STX3: variants seen among roughly 807,000 people sequenced by gnomAD.
The protein encoded by STX3 is syntaxin-3.
A neutral mutation model predicts 40.2 loss-of-function variants in STX3; 19 were observed. The observed-to-expected ratio is 0.47, with a 90% CI of 0.33 to 0.69. The LOEUF (loss-of-function observed/expected upper bound fraction) is 0.69. Ranked by LOEUF, STX3 falls within the 30% of genes least tolerant of loss-of-function variation. STX3 has a pLI of 0.02. For synonymous variants in STX3, 122 were observed against 132.2 expected, an observed-to-expected ratio of 0.92 and a Z score of 0.53; for missense variants, 364 against 366.7, an observed-to-expected ratio of 0.99 and a Z score of 0.06.
chr11:59,778,835 T>C (rs1864166197), intron 2 of STX3, among the ~76,000 whole-genome samples: 1 of 149,748 alleles, frequency 6.7e-6, no homozygotes, highest in Admixed American at 6.6e-5. Flanking sequence ...CTTTTCCTTT[T>C]TTTTTTTTTT....
intron 2 of STX3, among the ~76,000 whole-genome samples, chr11:59,780,578 T>A (rs1246628483): frequency 6.6e-6 from 1 of 152,200 alleles, no homozygotes; most frequent in Non-Finnish European, 1.5e-5. Flanking sequence ...CAGACATGCC[T>A]TCTTCATGGC....
At chr11:59,773,980 A>G (rs868002318) in intron 2 of STX3, among the ~76,000 whole-genome samples, 2 of 107,940 alleles carry the variant, frequency 1.9e-5, no homozygotes, top group Non-Finnish European at 3.5e-5. Flanking sequence ...ACACACACAA[A>G]AAAAAAAAAA....
intron 1 of STX3, among the ~76,000 whole-genome samples, chr11:59,759,462 A>G (rs1862917471): frequency 6.6e-6 from 1 of 152,252 alleles, no homozygotes. Context: ...CTAGTATCAA[A>G]GGGTAAATGA....
At chr11:59,778,362 G>T (rs1864119396) in intron 2 of STX3, among the ~76,000 whole-genome samples, 1 of 152,138 alleles carries the variant, frequency 6.6e-6, no homozygotes, top group Non-Finnish European at 1.5e-5. Flanking sequence ...GACTTCCCTT[G>T]TGGCCTCCTG....
chr11:59,795,617 C>G (rs529214323), intron 9 of STX3, 135 bp downstream of exon 9: 1 of 1,540,370 alleles, frequency 6.5e-7, no homozygotes, highest in East Asian at 2.4e-5. Flanking sequence ...CATGATTGAC[C>G]GTATTGAGAA....
chr11:59,792,391 G>A (rs901774258), intron 6 of STX3, among the ~76,000 whole-genome samples, 176 bp downstream of exon 6: 13 of 152,170 alleles, frequency 8.5e-5, no homozygotes, highest in African/African-American at 1.4e-4. Flanking sequence ...AGGTGACACC[G>A]TGTTTATCAG....
At chr11:59,778,831 CT>C (rs112512362) in intron 2 of STX3, among the ~76,000 whole-genome samples, 6,972 of 125,744 alleles carry the variant, frequency 0.055, 269 homozygotes, top group African/African-American at 0.14. Flanking sequence ...TTTTCTTTTC[CT>C]TTTTTTTTTT....
At chr11:59,795,669 C>T in intron 9 of STX3, 187 bp downstream of exon 9, 1 of 1,537,178 alleles carries the variant, frequency 6.5e-7, no homozygotes, top group Middle Eastern at 1.7e-4. Flanking sequence ...CGGGCCGTGG[C>T]AGATACCAAA....
intron 2 of STX3, 75 bp downstream of exon 2, chr11:59,773,369 T>C (rs1467000611): frequency 8.6e-6 from 13 of 1,519,386 alleles, no homozygotes; most frequent in Middle Eastern, 1.7e-4. Flanking sequence ...TAAAAAACCT[T>C]AGATTTTTCA....
At chr11:59,781,090 T>C (rs1170110996) in intron 2 of STX3, among the ~76,000 whole-genome samples, 11 of 146,094 alleles carry the variant, frequency 7.5e-5, no homozygotes, top group Non-Finnish European at 1.3e-4. Flanking sequence ...GTTTTCTTTT[T>C]TTTTTTTTTT....
At position 59,800,873 on chromosome 11, in the gene STX3, A is replaced by G; in HGVS notation, c.*49A>G. On this transcript the variant is annotated 3_prime_UTR_variant, in exon 11 of 11. Transcript: ENST00000337979. Reference sequence around the variant, plus strand: ...CTCCTAGAAACTGATTTCACTCCAGACTGGTGTGGCCACCCTTGTCTTCAG... The same window carrying G: ...CTCCTAGAAACTGATTTCACTCCAGGCTGGTGTGGCCACCCTTGTCTTCAG... 1 of 1,536,222 alleles carries G rather than the reference A, an allele frequency of 6.5e-7. No homozygotes were observed.
intron 2 of STX3, among the ~76,000 whole-genome samples, chr11:59,774,041 C>T (rs370265531): frequency 8.0e-5 from 12 of 150,320 alleles, no homozygotes; most frequent in African/African-American, 2.9e-4. Flanking sequence ...AACTGAGAAA[C>T]CAAACTGCCA....
chr11:59,777,520 T>C (rs1008465078), intron 2 of STX3, among the ~76,000 whole-genome samples: 2 of 152,248 alleles, frequency 1.3e-5, no homozygotes, highest in East Asian at 3.8e-4. Context: ...CGATGGAGCC[T>C]TGACCTGAAT....
At chr11:59,770,856 C>G (rs1183028601) in intron 1 of STX3, among the ~76,000 whole-genome samples, 1 of 152,102 alleles carries the variant, frequency 6.6e-6, no homozygotes, top group Non-Finnish European at 1.5e-5. Context: ...TACTGTTCAA[C>G]TCATTGAAAG....
intron 2 of STX3, among the ~76,000 whole-genome samples, chr11:59,775,243 A>C (rs778049366): frequency 1.3e-5 from 2 of 152,192 alleles, no homozygotes; most frequent in Non-Finnish European, 2.9e-5. Context: ...CACCCTCCTC[A>C]CAGGCGGGTC....
intron 2 of STX3, chr11:59,781,318 C>T: frequency 6.3e-7 from 1 of 1,583,188 alleles, no homozygotes; most frequent in South Asian, 1.1e-5. Context: ...AATTTTTATT[C>T]TACTTTTTCA....
intron 5 of STX3, 66 bp downstream of exon 5, chr11:59,790,652 G>T: frequency 7.9e-7 from 1 of 1,266,416 alleles, no homozygotes; most frequent in Non-Finnish European, 1.1e-6. Context: ...TAACTGTGGA[G>T]GGATTTTTTT....
chr11:59,784,236 A>G (rs953096621), intron 2 of STX3, among the ~76,000 whole-genome samples: 3 of 152,258 alleles, frequency 2.0e-5, no homozygotes, highest in African/African-American at 4.8e-5. Flanking sequence ...GTGACAACCA[A>G]TCTGTTGAAC....
At chr11:59,778,360 T>C (rs1864119108) in intron 2 of STX3, among the ~76,000 whole-genome samples, 2 of 152,124 alleles carry the variant, frequency 1.3e-5, no homozygotes, top group East Asian at 1.9e-4. Context: ...CTGACTTCCC[T>C]TGTGGCCTCC....
Sources: allele counts gnomAD v4.1 joint callset (sites outside exome capture counted in the v4.1 genomes callset), GRCh38; gene constraint gnomAD v4.1.1; transcripts MANE v1.5; gene names NCBI Gene and HGNC (gene_info 2026-07-23, HGNC 2026-07-21).